Variants in ATAD3B observed in about 807,000 individuals in gnomAD.
The protein encoded by ATAD3B is ATPase family AAA domain containing 3B.
ATAD3B carries 59 observed loss-of-function variants against 70.2 expected under a neutral mutation model. The ratio of observed to expected loss-of-function variants is 0.84; its 90% CI spans 0.68 to 1.04. The LOEUF (loss-of-function observed/expected upper bound fraction) is 1.04. ATAD3B is among the 50% of genes least tolerant of loss of function. ATAD3B has a pLI of 0.00. For missense variants in ATAD3B, 961 were observed against 913.4 expected (o/e 1.05, Z -0.67); for synonymous variants, 423 against 388.6 (o/e 1.09, Z -1.04).
chr1:1,491,733 G>T (rs560611909), intron 15 of ATAD3B, among the ~76,000 whole-genome samples: 1 of 151,976 alleles, frequency 6.6e-6, no homozygotes, highest in African/African-American at 2.4e-5. Flanking sequence ...TGATTTGAAC[G>T]TAGGAGCCGG....
At position 1,482,576 on chromosome 1, in the gene ATAD3B, C is replaced by T. The variant is rs757344083; in HGVS notation, c.712C>T (p.Arg238Cys). Residue 238 changes from arginine to cysteine, a missense_variant, in exon 7 of 16, where the codon CGT becomes TGT. Arg to Cys is a radical substitution (Grantham distance 180). This residue lies in a region of ATAD3B where 349 missense variants were observed against 307.5 expected (regional missense o/e 1.14). Coordinates refer to ENST00000673477, the MANE Select transcript of ATAD3B (RefSeq NM_031921.6). ...TGGCACCTTGTTTGGGGAAGGATTC[C>T]GTGCCTTTGTGACAGACCGGGACAA... Reference protein sequence around the residue: ...TAGTLFGEGFRAFVTDRDKVT... With the variant: ...TAGTLFGEGFCAFVTDRDKVT... 3.5e-5 allele frequency: 57 copies of T among 1,613,356 alleles called. 2 individuals carry two copies. In the South Asian group the frequency reaches 4.1e-4, roughly 12 times the overall value.
downstream of ATAD3B, among the ~76,000 whole-genome samples, chr1:1,498,597 G>A (rs558587010): frequency 1.4e-4 from 21 of 151,974 alleles, 1 homozygote; most frequent in Admixed American, 7.9e-4. Flanking sequence ...TGGTACAGAC[G>A]GGGTCTCTCT....
intron 9 of ATAD3B, 103 bp downstream of exon 9, chr1:1,485,941 T>A (rs1640188334): frequency 6.2e-7 from 1 of 1,600,488 alleles, no homozygotes. Context: ...CAGGAGCTTT[T>A]GGGTCCTGAG....
chr1:1,505,550 C>T, the ATAD3B span, among the ~76,000 whole-genome samples: 10 of 152,216 alleles, frequency 6.6e-5, no homozygotes, highest in South Asian at 2.1e-3. Context: ...TGCTAAGTAG[C>T]GGGTGTTTTC....
At chr1:1,482,020 T>G in intron 5 of ATAD3B, 118 bp from the exon 6 acceptor site, 1 of 1,441,822 alleles carries the variant, frequency 6.9e-7, no homozygotes, top group Non-Finnish European at 9.3e-7. Context: ...TGGGCCTGTC[T>G]GTGGCGTTGG....
intron 15 of ATAD3B, 24 bp from the exon 16 acceptor site, chr1:1,495,461 C>T (rs1453120816): frequency 6.3e-7 from 1 of 1,577,520 alleles, no homozygotes. Flanking sequence ...AGCGGCCTCC[C>T]TCAGCTCCCT....
rs996198115 is a variant in ATAD3B at position 1,482,047 on chromosome 1, G to T, written c.515-91G>T. Reference sequence around the variant, plus strand: ...TGGCGTTGGTCTGTCCGTGGCGTGGGCCGGTCCGTGGCGTGGGCCGGTCCA... The same window carrying T: ...TGGCGTTGGTCTGTCCGTGGCGTGGTCCGGTCCGTGGCGTGGGCCGGTCCA... On this transcript the variant is annotated intron_variant, in intron 5 of 15. Coordinates refer to ENST00000673477, the MANE Select transcript of ATAD3B (RefSeq NM_031921.6). 6.6e-6 allele frequency: 10 copies of T among 1,513,668 alleles called. 1 individual carries two copies. Among genetic ancestry groups the T allele is most frequent in the Non-Finnish European group, 7.1e-6 (8 of 1,123,988 alleles). The allele number at this position is 1,513,668 out of a possible 1,614,324, so 93.8% of individuals were successfully genotyped here. A position where few individuals can be genotyped will look rare whatever the true frequency, so the allele number is the denominator to read the frequency against.
the ATAD3B span, chr1:1,503,463 G>A: frequency 1.3e-5 from 11 of 849,042 alleles, no homozygotes; most frequent in Non-Finnish European, 1.9e-5. Context: ...GGGAGGCAGG[G>A]CTGGGGGCTT....
chr1:1,472,325 A>G (rs1372608350), intron 1 of ATAD3B, among the ~76,000 whole-genome samples: 1 of 151,830 alleles, frequency 6.6e-6, no homozygotes, highest in East Asian at 1.9e-4. Context: ...AGCGGTGCGG[A>G]GGTGGCGCTC....
rs756599905 is a variant in ATAD3B, at chr1:1,482,321, C to T, written c.680+18C>T. The T allele has an allele frequency of 6.4e-7, 1 of 1,556,202 alleles. No homozygotes were observed. The highest frequency in any genetic ancestry group is 8.6e-7 in the Non-Finnish European group (1 of 1,157,750). ...TCCATCAGGTGAGCACTGCCCAGGCCCGGGCCGGCCACAGATGGAGCCCCG... is the reference window on the plus strand; with the variant it reads ...TCCATCAGGTGAGCACTGCCCAGGCTCGGGCCGGCCACAGATGGAGCCCCG... On this transcript the variant is annotated intron_variant, in intron 6 of 15. Coordinates refer to ENST00000673477, the MANE Select transcript of ATAD3B (RefSeq NM_031921.6).
rs750177161 is a variant in ATAD3B, at chr1:1,482,165, G to A, written c.542G>A (p.Arg181Gln). The A allele has an allele frequency of 1.6e-5, 26 of 1,610,026 alleles. 1 individual carries two copies. Among genetic ancestry groups the A allele is most frequent in the African/African-American group, 2.7e-5 (2 of 74,852 alleles). ...RATVEREMEL[R>Q]HKNEMLRVET... ...ACCGTGGAGCGGGAGATGGAGCTGC[G>A]GCACAAGAATGAGATGCTGCGAGTG... Residue 181 changes from arginine to glutamine, a missense_variant, in exon 6 of 16, where the codon CGG (arginine) becomes CAG (glutamine). Physicochemically the swap from Arg to Gln is conservative, Grantham distance 43. Around this residue, in one of 4 missense-constraint regions of ATAD3B, gnomAD observed 349 missense variants for 307.5 expected, o/e 1.14. Transcript: ENST00000673477.
chr1:1,493,913 T>C (rs571971577), intron 15 of ATAD3B, among the ~76,000 whole-genome samples: 8 of 152,046 alleles, frequency 5.3e-5, no homozygotes, highest in African/African-American at 1.7e-4. Flanking sequence ...GGCTTTAATA[T>C]GAGGGTAATG....
chr1:1,486,312 C>T, intron 10 of ATAD3B, 77 bp downstream of exon 10: 6 of 1,606,580 alleles, frequency 3.7e-6, no homozygotes, highest in Non-Finnish European at 5.1e-6. Context: ...GGGGCCTCAG[C>T]CGCCTGGGGA....
intron 10 of ATAD3B, 115 bp from the exon 11 acceptor site, chr1:1,486,429 C>G: frequency 6.2e-7 from 1 of 1,605,822 alleles, no homozygotes; most frequent in East Asian, 2.2e-5. Flanking sequence ...GTCTGGCAGG[C>G]TGTGGCTTCC....
At position 1,477,305 on chromosome 1, in the gene ATAD3B, G is replaced by T; in HGVS notation, c.237G>T (p.Gln79His). ...RYAKEALNLA[Q>H]MQEQTLQLEQ... Reference sequence around the variant, plus strand: ...CCAAGGAGGCCCTGAATCTGGCGCAGATGCAGGAGCAGACGCTGCAGTTGG... The same window carrying T: ...CCAAGGAGGCCCTGAATCTGGCGCATATGCAGGAGCAGACGCTGCAGTTGG... Residue 79 changes from glutamine (Q) to histidine (H), a missense_variant, in exon 2 of 16, where the codon CAG becomes CAT. Physicochemically the swap from Gln to His is conservative, Grantham distance 24. Coordinates refer to ENST00000673477, the MANE Select transcript of ATAD3B (RefSeq NM_031921.6). 1.2e-6 allele frequency: 2 copies of T among 1,612,428 alleles called. No homozygotes were observed. Among genetic ancestry groups the T allele is most frequent in the Non-Finnish European group, 1.7e-6 (2 of 1,179,722 alleles).
intron 1 of ATAD3B, 81 bp from the exon 2 acceptor site, chr1:1,477,193 A>G (rs1639636014): frequency 6.5e-7 from 1 of 1,546,016 alleles, no homozygotes; most frequent in Non-Finnish European, 8.8e-7. Context: ...TATTTTTAGT[A>G]GAGGTTGGGT....
rs771738989 is a variant in ATAD3B, at chr1:1,482,543, A to G, written c.681-2A>G. 3.1e-6 allele frequency: 5 copies of G among 1,613,236 alleles called. No individual in the cohort carries two copies. The highest frequency in any genetic ancestry group is 1.7e-5 in the Admixed American group (1 of 59,960). ...CTGGTCACACCACTGCTTTCCCCGC[A>G]GGACGGCTGGCACCTTGTTTGGGGA... On this transcript the variant is annotated splice_acceptor_variant, in intron 6 of 15. Coordinates refer to ENST00000673477, the MANE Select transcript of ATAD3B (RefSeq NM_031921.6). LOFTEE classifies it high-confidence loss of function.
At chr1:1,507,257 T>G in the ATAD3B span, among the ~76,000 whole-genome samples, 3 of 152,208 alleles carry the variant, frequency 2.0e-5, no homozygotes, top group African/African-American at 7.2e-5. Flanking sequence ...GGTTCCTTAC[T>G]CAGAGGAAAA....
chr1:1,480,771 A>G, intron 4 of ATAD3B, 96 bp from the exon 5 acceptor site: 2 of 1,563,656 alleles, frequency 1.3e-6, no homozygotes, highest in Non-Finnish European at 1.7e-6. Flanking sequence ...GGACGCTTGG[A>G]GTTCTGTGGT....
Sources: gnomAD v4.1 joint callset for allele counts (sites outside exome capture counted in the v4.1 genomes callset) on GRCh38, gnomAD v4.1.1 for gene constraint, gnomAD v4.1.1 regional missense constraint, MANE v1.5 for transcripts, NCBI Gene and HGNC (gene_info 2026-07-23, HGNC 2026-07-21) for gene names.